Variants in LIN52 observed in about 807,000 individuals in gnomAD.
LIN52 encodes the protein protein lin-52 homolog.
A neutral mutation model predicts 18.5 loss-of-function variants in LIN52; 4 were observed. The observed-to-expected ratio is 0.22, with a 90% CI of 0.11 to 0.49. The LOEUF is 0.49. LIN52 is among the 20% of genes least tolerant of loss of function. The probability of loss-of-function intolerance (pLI) is 0.97; values close to 1 mark genes in which losing one functional copy is unlikely to be tolerated. For synonymous variants in LIN52, 34 were observed against 45.5 expected, an observed-to-expected ratio of 0.75 and a Z score of 1.02; for missense variants, 102 against 139.5, an observed-to-expected ratio of 0.73 and a Z score of 1.35.
At position 74,158,119 on chromosome 14, in the gene LIN52, A is replaced by ATTTT. The variant is rs373987542; in HGVS notation, c.284-40802_284-40801insTTTT. ...TATCATCACTGCTATATATATATATATATATATTTTTTTGAGATAGAGTCT... is the reference window on the plus strand; with the variant it reads ...TATCATCACTGCTATATATATATATATTTTTATATATTTTTTTGAGATAGAGTCT... On this transcript the variant is annotated intron_variant, in intron 5 of 5. Transcript: ENST00000555028. 5.9e-3 allele frequency among the ~76,000 whole-genome samples: 667 copies of ATTTT among 112,198 alleles called. 5 individuals carry two copies. The highest frequency in any genetic ancestry group is 0.015 in the African/African-American group (483 of 32,626). The allele number at this position is 112,198 out of a possible 152,430, so 73.6% of individuals were successfully genotyped here.
chr14:74,150,665 TTAAC>T (rs2061173051), intron 5 of LIN52, among the ~76,000 whole-genome samples: 1 of 152,056 alleles, frequency 6.6e-6, no homozygotes, highest in Non-Finnish European at 1.5e-5. Flanking sequence ...CTTTTTTAAA[TTAAC>T]TAAAAAAAAT....
chr14:74,092,484 T>G (rs144239920), intron 2 of LIN52, among the ~76,000 whole-genome samples: 2,179 of 149,682 alleles, frequency 0.015, 24 homozygotes, highest in South Asian at 0.054. Context: ...TTTTGTATTT[T>G]TAGTAGAGAC....
chr14:74,182,763 A>G (rs937630441), intron 5 of LIN52, among the ~76,000 whole-genome samples: 2 of 152,200 alleles, frequency 1.3e-5, no homozygotes, highest in South Asian at 2.1e-4. Context: ...GAGAAGATTC[A>G]GTAAGTAACC....
intron 5 of LIN52, among the ~76,000 whole-genome samples, chr14:74,155,045 T>C (rs927815676): frequency 6.6e-6 from 1 of 152,336 alleles, no homozygotes; most frequent in East Asian, 1.9e-4. Flanking sequence ...AAATAAGTAC[T>C]AATCCAAGGA....
intron 5 of LIN52, among the ~76,000 whole-genome samples, chr14:74,178,625 T>C (rs1022993822): frequency 4.3e-5 from 2 of 47,046 alleles, no homozygotes; most frequent in Non-Finnish European, 9.3e-5. Flanking sequence ...ACCTAGCTAA[T>C]TTTTGTATTT....
intron 5 of LIN52, among the ~76,000 whole-genome samples, chr14:74,128,276 C>G (rs35846579): frequency 0.11 from 16,951 of 151,916 alleles, 1,248 homozygotes; most frequent in Admixed American, 0.19. Flanking sequence ...GAGGCCAAGA[C>G]AGCTAGAGTT....
At chr14:74,198,802 G>C (rs2078930102) in intron 5 of LIN52, 120 bp from the exon 6 acceptor site, 1 of 745,988 alleles carries the variant, frequency 1.3e-6, no homozygotes, top group Non-Finnish European at 2.3e-6. Flanking sequence ...GATTGAATCT[G>C]TTGTGATAGC....
chr14:74,129,577 G>A (rs2061048869), intron 5 of LIN52, among the ~76,000 whole-genome samples: 1 of 152,160 alleles, frequency 6.6e-6, no homozygotes, highest in South Asian at 2.1e-4. Flanking sequence ...ATGCAGCCGG[G>A]CACAGTGGCT....
chr14:74,098,462 C>T lies in LIN52; in HGVS notation c.199+602C>T, dbSNP rs569729777. ...TGAACCTAGAAGACAGAGGTTGTGGCGAACAATAGTTCCACTGCACTCCAG... is the reference window on the plus strand; with the variant it reads ...TGAACCTAGAAGACAGAGGTTGTGGTGAACAATAGTTCCACTGCACTCCAG... On this transcript the variant is annotated intron_variant, in intron 4 of 5. Coordinates refer to ENST00000555028, the MANE Select transcript of LIN52 (RefSeq NM_001024674.3). Among the ~76,000 whole-genome samples the T allele has an allele frequency of 1.3e-4, 20 of 148,410 alleles. No individual in the cohort carries two copies. The East Asian group carries it at 2.5e-3, about 18-fold the overall frequency.
At position 74,097,782 on chromosome 14, in the gene LIN52, A is replaced by AT. The variant is rs2060824857; in HGVS notation, c.133-6dup. On this transcript the variant is annotated splice_polypyrimidine_tract_variant and intron_variant, in intron 3 of 5. Transcript: ENST00000555028. ...TTTTATGTGTCTGAATGGATATATT[A>AT]TTTTTTGACAGCCTATTACTAGTTC... The AT allele has an allele frequency of 2.5e-6, 4 of 1,586,636 alleles. No individual in the cohort carries two copies. Among genetic ancestry groups the AT allele is most frequent in the Non-Finnish European group, 3.5e-6 (4 of 1,155,546 alleles).
intron 5 of LIN52, among the ~76,000 whole-genome samples, chr14:74,183,387 C>T (rs975898140): frequency 2.6e-5 from 4 of 152,134 alleles, no homozygotes; most frequent in African/African-American, 4.8e-5. Context: ...GCATGAGCCA[C>T]CGCACTCAGC....
intron 5 of LIN52, among the ~76,000 whole-genome samples, chr14:74,125,342 T>C (rs2061023087): frequency 6.6e-6 from 1 of 152,246 alleles, no homozygotes; most frequent in Non-Finnish European, 1.5e-5. Flanking sequence ...TTTGTGGTTT[T>C]GATTTGCATT....
chr14:74,097,614 T>G (rs1229583121), intron 3 of LIN52, among the ~76,000 whole-genome samples, 180 bp from the exon 4 acceptor site: 1 of 151,954 alleles, frequency 6.6e-6, no homozygotes, highest in Non-Finnish European at 1.5e-5. Context: ...TTTTGTATTT[T>G]TAGTAGAGAT....
intron 5 of LIN52, among the ~76,000 whole-genome samples, chr14:74,135,882 A>ATACC (rs1037101324): frequency 3.3e-5 from 5 of 151,996 alleles, no homozygotes; most frequent in Non-Finnish European, 7.4e-5. Flanking sequence ...TATCATTCAC[A>ATACC]TACCATAAGG....
At chr14:74,093,056 A>G (rs986319265) in intron 2 of LIN52, among the ~76,000 whole-genome samples, 17 of 151,900 alleles carry the variant, frequency 1.1e-4, no homozygotes, top group African/African-American at 4.1e-4. Flanking sequence ...GGTTCAAGCG[A>G]TGCTCCTGCC....
intron 5 of LIN52, among the ~76,000 whole-genome samples, chr14:74,148,049 G>GAAAAAAGAAAAACAAA (rs1410617538): frequency 2.0e-5 from 3 of 151,960 alleles, no homozygotes; most frequent in Non-Finnish European, 2.9e-5. Context: ...GAGAAAAGAA[G>GAAAAAAGAAAAACAAA]AAAAAAGAAA....
chr14:74,118,441 T>A (rs2060977002), intron 5 of LIN52, among the ~76,000 whole-genome samples: 1 of 152,130 alleles, frequency 6.6e-6, no homozygotes, highest in African/African-American at 2.4e-5. Flanking sequence ...TTCATAAAAT[T>A]AACACTCCCC....
intron 5 of LIN52, among the ~76,000 whole-genome samples, chr14:74,106,566 C>G (rs991199728): frequency 6.6e-6 from 1 of 152,144 alleles, no homozygotes; most frequent in African/African-American, 2.4e-5. Context: ...ACCACCATGC[C>G]TACCCCAGCC....
chr14:74,175,020 A>AAATAATATAATAATAAT (rs1555384626), intron 5 of LIN52, among the ~76,000 whole-genome samples: 1 of 140,946 alleles, frequency 7.1e-6, no homozygotes. Flanking sequence ...GACTCAAAGA[A>AAATAATATAATAATAAT]AATAATAATA....
Sources: allele counts gnomAD v4.1 joint callset (sites outside exome capture counted in the v4.1 genomes callset), GRCh38; gene constraint gnomAD v4.1.1; transcripts MANE v1.5; gene names NCBI Gene and HGNC (gene_info 2026-07-23, HGNC 2026-07-21).